ESYT2: variants seen among roughly 807,000 people sequenced by gnomAD.
The protein encoded by ESYT2 is extended synaptotagmin-2.
Under a neutral mutation model 107.2 loss-of-function variants are expected in ESYT2, and 54 were observed. The ratio of observed to expected loss-of-function variants is 0.50; its 90% CI spans 0.40 to 0.63. ESYT2 has a LOEUF of 0.63. Among genes scored for constraint, ESYT2 ranks in the 30% least tolerant of loss-of-function variants. The pLI is 0.00. For missense variants in ESYT2, 1,020 were observed against 1,094.5 expected (o/e 0.93, Z 0.96); for synonymous variants, 491 against 434.1 (o/e 1.13, Z -1.63).
At chr7:158,761,396 G>T (rs369682300) in intron 11 of ESYT2, 100 bp downstream of exon 11, 1 of 965,292 alleles carries the variant, frequency 1.0e-6, no homozygotes. Flanking sequence ...TTAGGATTCC[G>T]GCACTGTGTG....
At position 158,829,167 on chromosome 7, in the gene ESYT2, C is replaced by A. The variant is rs1392311640; in HGVS notation, c.252G>T (p.Leu84=). The A allele has an allele frequency of 6.4e-7, 1 of 1,551,296 alleles. No homozygotes were observed. Among genetic ancestry groups the A allele is most frequent in the Non-Finnish European group, 8.6e-7 (1 of 1,157,076 alleles). ...RRSRGLKALR[L]CRALALLEDE... ...CTTCCAGCAGCGCCAGCGCGCGGCA[C>A]AGGCGCAGGGCCTTGAGGCCGCGGC... The change falls in exon 1 of 23, where the codon CTG becomes CTT. Residue 84 remains leucine (L), a synonymous_variant. Transcript: ENST00000275418.
At chr7:158,777,267 T>C (rs2129472717) in intron 6 of ESYT2, among the ~76,000 whole-genome samples, 1 of 152,200 alleles carries the variant, frequency 6.6e-6, no homozygotes, top group Non-Finnish European at 1.5e-5. Context: ...TCTCAGGGAA[T>C]AGGGAGATCC....
At chr7:158,764,508 A>G (rs1838082503) in intron 9 of ESYT2, among the ~76,000 whole-genome samples, 169 bp downstream of exon 9, 1 of 152,220 alleles carries the variant, frequency 6.6e-6, no homozygotes, top group Non-Finnish European at 1.5e-5. Context: ...GTTGTGTAGT[A>G]AGGAGAGAAG....
chr7:158,750,235 G>A (rs1294163714), intron 14 of ESYT2, among the ~76,000 whole-genome samples: 1 of 151,928 alleles, frequency 6.6e-6, no homozygotes, highest in East Asian at 1.9e-4. Context: ...TTGCTTACCA[G>A]CTGCTAAATA....
chr7:158,734,152 G>A lies in ESYT2; in HGVS notation c.*55C>T. 3 of 1,592,134 alleles carry A rather than the reference G, an allele frequency of 1.9e-6. No individual in the cohort carries two copies. Among genetic ancestry groups the A allele is most frequent in the Non-Finnish European group, 2.6e-6 (3 of 1,160,600 alleles). The stretch of plus-strand genomic sequence containing the variant: ...CATTGGTACGTCTGTGAGAGGGTGT[G>A]TTCCGGGTAGAGGTGGAGAGCTACG... On this transcript the variant is annotated 3_prime_UTR_variant, in exon 23 of 23. Transcript: ENST00000275418.
At chr7:158,828,929 T>A (rs78630141) in intron 1 of ESYT2, among the ~76,000 whole-genome samples, 160 bp downstream of exon 1, 2,945 of 127,404 alleles carry the variant, frequency 0.023, 103 homozygotes, top group East Asian at 0.12. Flanking sequence ...AGCGCCTGCC[T>A]GGACCGGGGT....
At position 158,754,232 on chromosome 7, in the gene ESYT2, G is replaced by A. The variant is rs1017710666; in HGVS notation, c.1420-1389C>T. ...ATTTATTATTTATATTTTTGAGACGGAGTCTTGCTCTGTCACCAGGCTGCA... is the reference window on the plus strand; with the variant it reads ...ATTTATTATTTATATTTTTGAGACGAAGTCTTGCTCTGTCACCAGGCTGCA... On this transcript the variant is annotated intron_variant, in intron 13 of 22. Transcript: ENST00000275418. Among the ~76,000 whole-genome samples, 4 of 152,074 alleles carry A rather than the reference G, an allele frequency of 2.6e-5. No individual in the cohort carries two copies. The South Asian group carries it at 6.2e-4, about 24-fold the overall frequency.
chr7:158,786,043 C>G (rs1839103552), intron 6 of ESYT2, among the ~76,000 whole-genome samples: 1 of 152,162 alleles, frequency 6.6e-6, no homozygotes, highest in African/African-American at 2.4e-5. Flanking sequence ...TGAAAATTTT[C>G]CTTTTCACTG....
chr7:158,739,249 C>T (rs1837099171), intron 18 of ESYT2, 128 bp from the exon 19 acceptor site: 2 of 725,500 alleles, frequency 2.8e-6, no homozygotes, highest in Non-Finnish European at 4.4e-6. Flanking sequence ...TACCCATGAA[C>T]TTAAACATAA....
At chr7:158,744,504 T>C (rs951569391) in intron 16 of ESYT2, among the ~76,000 whole-genome samples, 1 of 152,158 alleles carries the variant, frequency 6.6e-6, no homozygotes, top group Non-Finnish European at 1.5e-5. Flanking sequence ...AAATCCACAT[T>C]AAAGAAAATT....
At position 158,773,368 on chromosome 7, in the gene ESYT2, G is replaced by A. The variant is rs1212235427; in HGVS notation, c.776C>T (p.Thr259Met). 8.1e-6 allele frequency: 13 copies of A among 1,614,032 alleles called. No individual in the cohort carries two copies. Among genetic ancestry groups the A allele is most frequent in the Admixed American group, 5.0e-5 (3 of 59,990 alleles). Reference protein sequence around the residue: ...PLLEINWTGLTNLLDVPGLNG... With the variant: ...PLLEINWTGLMNLLDVPGLNG... ...CAATCCAGGGACATCCAGAAGATTCGTCAGTCCTGTCCAGTTAATTTCTAA... is the reference window on the plus strand; with the variant it reads ...CAATCCAGGGACATCCAGAAGATTCATCAGTCCTGTCCAGTTAATTTCTAA... The change falls in exon 7 of 23, where the codon ACG becomes ATG. Residue 259 changes from threonine (T) to methionine (M), a missense_variant. Thr to Met is a moderately conservative substitution (Grantham distance 81). Transcript: ENST00000275418.
chr7:158,805,569 G>A (rs1048876288), intron 1 of ESYT2, among the ~76,000 whole-genome samples: 6 of 152,052 alleles, frequency 3.9e-5, no homozygotes, highest in South Asian at 4.2e-4. Flanking sequence ...AATTCACACA[G>A]TAAATAAAGC....
rs775077906 is a variant in ESYT2, at chr7:158,753,599, ATTT to A, written c.1420-759_1420-757del. On this transcript the variant is annotated intron_variant, in intron 13 of 22. Coordinates refer to ENST00000275418, the MANE Select transcript of ESYT2 (RefSeq NM_001367773.1). ...TGTGACAAGCTGAACTAAATGTTTA[ATTT>A]TTTTTTTTTTTTTTTTTGCTAAGCA... 4.9e-3 allele frequency among the ~76,000 whole-genome samples: 645 copies of A among 132,788 alleles called. 2 individuals are homozygous for A. Among genetic ancestry groups the A allele is most frequent in the African/African-American group, 0.017 (616 of 35,244 alleles). The allele number at this position is 132,788 out of a possible 152,430, so 87.1% of individuals were successfully genotyped here. A position where few individuals can be genotyped will look rare whatever the true frequency, so the allele number is the denominator to read the frequency against.
In ESYT2 at chr7:158,741,561, G is replaced by A. The variant is rs114848522; in HGVS notation, c.2130C>T (p.Ala710=). ...SIASDISLPI[A]TQELRQRLRQ... ...TCAGCCTTTGCCGCAGCTCCTGGGT[G>A]GCGATGGGCAGCGAGATGTCCGAGG... The change falls in exon 18 of 23, where the codon GCC becomes GCT. Residue 710 remains alanine (A), a synonymous_variant. Coordinates refer to ENST00000275418, the MANE Select transcript of ESYT2 (RefSeq NM_001367773.1). The A allele has an allele frequency of 8.6e-4, 1,372 of 1,602,266 alleles. 8 individuals carry two copies. In the African/African-American group the frequency reaches 0.017, roughly 20 times the overall value.
chr7:158,814,331 A>C (rs1188704188), intron 1 of ESYT2, among the ~76,000 whole-genome samples: 1 of 5,832 alleles, frequency 1.7e-4, no homozygotes, highest in East Asian at 1.0e-3. Flanking sequence ...ATATATATAT[A>C]TATATATATA....
rs561607887 is a variant in ESYT2 at position 158,765,614 on chromosome 7, TA to T, written c.925-762del. 2.2e-4 allele frequency among the ~76,000 whole-genome samples: 33 copies of T among 152,120 alleles called. No homozygotes were observed. In the South Asian group the frequency reaches 5.4e-3, roughly 25 times the overall value. On this transcript the variant is annotated intron_variant, in intron 8 of 22. Transcript: ENST00000275418. ...AGCCAGGCATGGTGGCGCATGTCCG[TA>T]GTCCCAGTTACTCAGAAGGCTGGGG...
intron 16 of ESYT2, among the ~76,000 whole-genome samples, chr7:158,747,459 T>A (rs879628426): frequency 6.6e-6 from 1 of 151,344 alleles, no homozygotes; most frequent in African/African-American, 2.4e-5. Flanking sequence ...CATTTCACCA[T>A]AGAAGATACA....
intron 19 of ESYT2, among the ~76,000 whole-genome samples, chr7:158,738,545 C>T (rs1182524596): frequency 5.9e-5 from 9 of 152,090 alleles, no homozygotes; most frequent in Non-Finnish European, 1.3e-4. Flanking sequence ...ACCTCTGCCT[C>T]CTGGGTTCAA....
chr7:158,789,514 G>A (rs1839216226), intron 4 of ESYT2, among the ~76,000 whole-genome samples: 2 of 151,984 alleles, frequency 1.3e-5, no homozygotes, highest in African/African-American at 2.4e-5. Flanking sequence ...GTGCCACTAC[G>A]CTAATTAATT....
Sources: gnomAD v4.1 joint callset for allele counts (sites outside exome capture counted in the v4.1 genomes callset) on GRCh38, gnomAD v4.1.1 for gene constraint, MANE v1.5 for transcripts, NCBI Gene and HGNC (gene_info 2026-07-23, HGNC 2026-07-21) for gene names.